PIWIL3: variants seen among roughly 807,000 people sequenced by gnomAD.
PIWIL3 encodes the protein piwi-like protein 3.
A neutral mutation model predicts 109.7 loss-of-function variants in PIWIL3; 101 were observed. That is an observed-to-expected ratio of 0.92 (90% CI 0.78 to 1.09). PIWIL3 has a LOEUF of 1.09. Among genes scored for constraint, PIWIL3 ranks in the 50% least tolerant of loss-of-function variants. The probability of loss-of-function intolerance (pLI) is 0.00; values close to 1 mark genes in which losing one functional copy is unlikely to be tolerated. For synonymous variants in PIWIL3, 373 were observed against 376.4 expected (o/e 0.99, Z 0.10); for missense variants, 1,031 against 1,072.6 (o/e 0.96, Z 0.54).
intron 14 of PIWIL3, 58 bp from the exon 15 acceptor site, chr22:24,728,432 A>T: frequency 6.2e-7 from 1 of 1,604,562 alleles, no homozygotes; most frequent in Non-Finnish European, 8.5e-7. Flanking sequence ...TACAGGAAAG[A>T]AAAACCATCT....
chr22:24,734,202 G>T (rs1002650179), intron 13 of PIWIL3, 46 bp from the exon 14 acceptor site: 34 of 1,587,204 alleles, frequency 2.1e-5, no homozygotes, highest in Non-Finnish European at 2.7e-5. Flanking sequence ...ACCAACCAGT[G>T]AAACAAACGT....
intron 4 of PIWIL3, among the ~76,000 whole-genome samples, chr22:24,757,637 C>CACACACACACACACACACACACAT (rs371066474): frequency 8.1e-6 from 1 of 122,778 alleles, no homozygotes; most frequent in East Asian, 2.6e-4. Context: ...CACACACACA[C>CACACACACACACACACACACACAT]ATATATAAAA....
In PIWIL3 at chr22:24,740,612, T is replaced by C. The variant is rs147383148; in HGVS notation, c.1450-4720A>G. Among the ~76,000 whole-genome samples, 81 of 150,834 alleles carry C rather than the reference T, an allele frequency of 5.4e-4. 1 individual carries two copies. In the East Asian group the frequency reaches 0.015, roughly 28 times the overall value. Reference sequence around the variant, plus strand: ...GATACCACAGAAATACAATAGATCATTCAAGGCCACTATGAACACCTTTAC... The same window carrying C: ...GATACCACAGAAATACAATAGATCACTCAAGGCCACTATGAACACCTTTAC... On this transcript the variant is annotated intron_variant, in intron 12 of 20. Coordinates refer to ENST00000616349, the MANE Select transcript of PIWIL3 (RefSeq NM_001255975.1).
rs540117156 is a variant in PIWIL3, at chr22:24,720,869, T to C, written c.2358-974A>G. Among the ~76,000 whole-genome samples the C allele has an allele frequency of 4.5e-4, 68 of 152,338 alleles. 1 individual carries two copies. The highest frequency in any genetic ancestry group is 3.4e-3 in the Middle Eastern group (1 of 294). On this transcript the variant is annotated intron_variant, in intron 19 of 20. Transcript: ENST00000616349. ...GCAGCAGCAGCTTTATCATTTTCCC[T>C]GGTAACTAAAGAATCTTAGTGTATA...
chr22:24,720,365 G>C (rs895671261), intron 19 of PIWIL3, among the ~76,000 whole-genome samples: 2 of 147,674 alleles, frequency 1.4e-5, no homozygotes, highest in African/African-American at 5.1e-5. Flanking sequence ...TCTGCCTCCT[G>C]GGTTCACGCC....
At chr22:24,751,582 G>T (rs190213331) in intron 8 of PIWIL3, 84 bp from the exon 9 acceptor site, 3 of 1,541,240 alleles carry the variant, frequency 1.9e-6, no homozygotes, top group Middle Eastern at 3.8e-4. Flanking sequence ...TTTTAATCCT[G>T]CAAGGAATTG....
At chr22:24,773,748 TC>T in intron 1 of PIWIL3, among the ~76,000 whole-genome samples, 1 of 122,012 alleles carries the variant, frequency 8.2e-6, no homozygotes, top group Admixed American at 9.7e-5. Context: ...TCTCACTCAC[TC>T]TGTTGCCCAG....
intron 9 of PIWIL3, 25 bp from the exon 10 acceptor site, chr22:24,749,844 A>AT (rs1276136535): frequency 6.2e-7 from 1 of 1,613,910 alleles, no homozygotes; most frequent in Non-Finnish European, 8.5e-7. Context: ...AGAGACCAGC[A>AT]TGACCATCAG....
intron 19 of PIWIL3, among the ~76,000 whole-genome samples, chr22:24,721,718 C>T (rs2147642757): frequency 6.6e-6 from 1 of 152,244 alleles, no homozygotes; most frequent in East Asian, 1.9e-4. Flanking sequence ...TACAAATTGA[C>T]CTTTTCATTA....
chr22:24,723,087 G>A, intron 19 of PIWIL3, 43 bp downstream of exon 19: 1 of 1,584,794 alleles, frequency 6.3e-7, no homozygotes, highest in Non-Finnish European at 8.6e-7. Flanking sequence ...GAAGGAAATT[G>A]AGAAAATCAT....
In PIWIL3 at chr22:24,728,315, T is replaced by C. The variant is rs1238260453; in HGVS notation, c.1767A>G (p.Leu589=). 16 of 1,614,098 alleles carry C rather than the reference T, an allele frequency of 9.9e-6. No homozygotes were observed. Among genetic ancestry groups the C allele is most frequent in the African/African-American group, 1.3e-5 (1 of 74,940 alleles). The change falls in exon 15 of 21, where the codon CTA becomes CTG. Residue 589 remains leucine (L), a synonymous_variant. Transcript: ENST00000616349. ...GGCTTGGAATTGGGCATTTGGTACA[T>C]AGGTATCTTTTTATGCTGTCATATC... ...KRRYDSIKRY[L]CTKCPIPSQC... is the part of the protein sequence containing the mutation.
chr22:24,748,798 C>G (rs1395291057), intron 12 of PIWIL3, 109 bp downstream of exon 12: 5 of 794,814 alleles, frequency 6.3e-6, no homozygotes, highest in Non-Finnish European at 9.9e-6. Flanking sequence ...AATGAGCAGT[C>G]TGAAAAAAGA....
chr22:24,741,585 A>G (rs747771768), intron 12 of PIWIL3, among the ~76,000 whole-genome samples: 8 of 152,220 alleles, frequency 5.3e-5, no homozygotes, highest in Non-Finnish European at 8.8e-5. Flanking sequence ...TAGAAGGGAC[A>G]TACCTTAAGG....
At chr22:24,767,262 G>A (rs1049329284) in intron 1 of PIWIL3, among the ~76,000 whole-genome samples, 12 of 151,272 alleles carry the variant, frequency 7.9e-5, no homozygotes, top group East Asian at 3.9e-4. Flanking sequence ...CCAGCTGGGC[G>A]GGGTGACTCA....
intron 1 of PIWIL3, among the ~76,000 whole-genome samples, chr22:24,771,866 T>A (rs192696726): frequency 6.6e-6 from 1 of 152,286 alleles, no homozygotes; most frequent in Admixed American, 6.5e-5. Flanking sequence ...CGGCTAATTT[T>A]TGTATCGTTA....
intron 12 of PIWIL3, among the ~76,000 whole-genome samples, chr22:24,744,197 A>AAAAAAAAAAC (rs1924206671): frequency 6.7e-6 from 1 of 148,384 alleles, no homozygotes; most frequent in Non-Finnish European, 1.5e-5. Flanking sequence ...AAAAAAAAAA[A>AAAAAAAAAAC]AAAAAAAAAA....
intron 1 of PIWIL3, among the ~76,000 whole-genome samples, chr22:24,764,256 G>A (rs1925650462): frequency 6.6e-6 from 1 of 152,236 alleles, no homozygotes; most frequent in Non-Finnish European, 1.5e-5. Flanking sequence ...AAGTCTCCCA[G>A]GGATGGGAGT....
intron 1 of PIWIL3, among the ~76,000 whole-genome samples, chr22:24,768,809 A>G (rs1176485268): frequency 1.3e-5 from 2 of 152,186 alleles, no homozygotes. Flanking sequence ...TTTCTCAGAA[A>G]CAAACTTTAT....
At chr22:24,744,178 T>TAAAA (rs1188611412) in intron 12 of PIWIL3, among the ~76,000 whole-genome samples, 10 of 34,320 alleles carry the variant, frequency 2.9e-4, no homozygotes, top group Admixed American at 8.6e-4. Flanking sequence ...GTGACCGAAT[T>TAAAA]AAAAAAAAAA....
Sources: gnomAD v4.1 joint callset for allele counts (sites outside exome capture counted in the v4.1 genomes callset) on GRCh38, gnomAD v4.1.1 for gene constraint, MANE v1.5 for transcripts, NCBI Gene and HGNC (gene_info 2026-07-23, HGNC 2026-07-21) for gene names.